CMTR1: variants seen among roughly 807,000 people sequenced by gnomAD.
CMTR1 encodes the protein cap methyltransferase 1.
Under a neutral mutation model 107.0 loss-of-function variants are expected in CMTR1, and 39 were observed. The observed-to-expected ratio is 0.36, with a 90% CI of 0.28 to 0.48. CMTR1 has a LOEUF of 0.48. CMTR1 is among the 20% of genes least tolerant of loss of function. The probability of loss-of-function intolerance (pLI) is 0.99; values close to 1 mark genes in which losing one functional copy is unlikely to be tolerated. For missense variants in CMTR1, 672 were observed against 1,064.9 expected (o/e 0.63, Z 5.14); for synonymous variants, 366 against 379.5 (o/e 0.96, Z 0.41).
rs1211604088 is a variant in CMTR1, at chr6:37,480,307, C to T, written c.*162C>T. The T allele has an allele frequency of 1.4e-6, 2 of 1,434,834 alleles. No individual in the cohort carries two copies. Among genetic ancestry groups the T allele is most frequent in the Non-Finnish European group, 1.8e-6 (2 of 1,109,182 alleles). The allele number at this position is 1,434,834 out of a possible 1,614,324, so 88.9% of individuals were successfully genotyped here. ...CCTCCTCTCCATCCCCTGAAGAGCT[C>T]AGGCAGGGCCCTGCAGAGAACACTC... is the stretch of plus-strand genomic sequence containing the variant. On this transcript the variant is annotated 3_prime_UTR_variant, in exon 24 of 24. Coordinates refer to ENST00000373451, the MANE Select transcript of CMTR1 (RefSeq NM_015050.3).
rs79756339 is a variant in CMTR1, at chr6:37,450,150, G to A, written c.445-101G>A. Reference sequence around the variant, plus strand: ...CAGCAACCTGCACCCTTCTCGGTCTGTCTCAGTCCCTTTTGATTGTTTTGG... The same window carrying A: ...CAGCAACCTGCACCCTTCTCGGTCTATCTCAGTCCCTTTTGATTGTTTTGG... On this transcript the variant is annotated intron_variant, in intron 4 of 23. Transcript: ENST00000373451. The A allele has an allele frequency of 3.0e-6, 3 of 997,518 alleles. No homozygotes were observed. The African/African-American group carries it at 4.8e-5, about 16-fold the overall frequency. 61.8% of individuals were successfully genotyped at this position (997,518 alleles called of 1,614,324 possible). A position where few individuals can be genotyped will look rare whatever the true frequency, so the allele number is the denominator to read the frequency against.
upstream of CMTR1, among the ~76,000 whole-genome samples, chr6:37,428,992 G>A (rs1051103160): frequency 6.6e-6 from 1 of 152,058 alleles, no homozygotes; most frequent in South Asian, 2.1e-4. Flanking sequence ...ATTTTTTAGC[G>A]CCAAATATTT....
chr6:37,478,592 C>A, intron 22 of CMTR1, 71 bp downstream of exon 22: 4 of 1,279,824 alleles, frequency 3.1e-6, no homozygotes, highest in Non-Finnish European at 4.5e-6. Context: ...TGGGTCCAGA[C>A]CCTACCTGAG....
chr6:37,470,442 G>A (rs1561791617), intron 13 of CMTR1, among the ~76,000 whole-genome samples: 2 of 152,036 alleles, frequency 1.3e-5, no homozygotes, highest in Non-Finnish European at 2.9e-5. Context: ...CACCGCGCCT[G>A]GCCGTCATTC....
intron 4 of CMTR1, among the ~76,000 whole-genome samples, chr6:37,448,930 A>T (rs1173406833): frequency 6.6e-6 from 1 of 152,148 alleles, no homozygotes; most frequent in Non-Finnish European, 1.5e-5. Context: ...CTCAGGCATC[A>T]GTACTATTTT....
In CMTR1 at chr6:37,474,508, TTCTC is replaced by T. The variant is rs747783898; in HGVS notation, c.1822-12_1822-9del. ...CTCCATGCCTTCCTTACCTGGCTGTTTCTCTCTGCCTGTAGAAATCCCAGATCTA... is the reference window on the plus strand; with the variant it reads ...CTCCATGCCTTCCTTACCTGGCTGTTTCTGCCTGTAGAAATCCCAGATCTA... On this transcript the variant is annotated splice_polypyrimidine_tract_variant and intron_variant, in intron 17 of 23. Coordinates refer to ENST00000373451, the MANE Select transcript of CMTR1 (RefSeq NM_015050.3). 1 of 1,613,630 alleles carries T rather than the reference TTCTC, an allele frequency of 6.2e-7. No homozygotes were observed.
chr6:37,458,498 G>C lies in CMTR1; in HGVS notation c.778-114G>C. ...CCTGGGTGCTGTAGCTCTGGTGGGAGCTCTGGATTGTACTTGCCGAAAGGC... is the reference window on the plus strand; with the variant it reads ...CCTGGGTGCTGTAGCTCTGGTGGGACCTCTGGATTGTACTTGCCGAAAGGC... On this transcript the variant is annotated intron_variant, in intron 8 of 23. Coordinates refer to ENST00000373451, the MANE Select transcript of CMTR1 (RefSeq NM_015050.3). The surrounding 1 kb of genome is among the most constrained non-coding windows in gnomAD (Gnocchi z 4.7). The C allele has an allele frequency of 7.3e-6, 7 of 953,008 alleles. No individual in the cohort carries two copies. Among genetic ancestry groups the C allele is most frequent in the South Asian group, 1.7e-5 (1 of 59,706 alleles). 59.0% of individuals were successfully genotyped at this position (953,008 alleles called of 1,614,324 possible).
chr6:37,429,327 A>G (rs1771334361), upstream of CMTR1, among the ~76,000 whole-genome samples: 1 of 152,242 alleles, frequency 6.6e-6, no homozygotes, highest in Non-Finnish European at 1.5e-5. Context: ...GGTTATGGTT[A>G]TAATGGCTAT....
intron 4 of CMTR1, among the ~76,000 whole-genome samples, chr6:37,449,804 GA>G (rs1348643028): frequency 6.6e-6 from 1 of 152,216 alleles, no homozygotes; most frequent in Non-Finnish European, 1.5e-5. Flanking sequence ...GGAATCAGGA[GA>G]TGAGACTCAT....
At chr6:37,453,428 ACTTTG>A in intron 8 of CMTR1, 116 bp downstream of exon 8, 1 of 1,018,394 alleles carries the variant, frequency 9.8e-7, no homozygotes, top group Non-Finnish European at 1.5e-6. Context: ...TGATGGAGAT[ACTTTG>A]CTTTGAGCTC....
chr6:37,438,166 GC>G (rs1771583212), intron 2 of CMTR1, among the ~76,000 whole-genome samples: 1 of 152,162 alleles, frequency 6.6e-6, no homozygotes, highest in Admixed American at 6.5e-5. Flanking sequence ...GATTGCTTGA[GC>G]CCAGGAGTTT....
chr6:37,480,316 C>T lies in CMTR1; in HGVS notation c.*171C>T, dbSNP rs41272222. ...CATCCCCTGAAGAGCTCAGGCAGGG[C>T]CCTGCAGAGAACACTCATGTTCCTT... On this transcript the variant is annotated 3_prime_UTR_variant, in exon 24 of 24. Transcript: ENST00000373451. The T allele has an allele frequency of 7.0e-3, 9,872 of 1,416,236 alleles. 46 individuals are homozygous for T. The highest frequency in any genetic ancestry group is 8.4e-3 in the Non-Finnish European group (9,187 of 1,098,986). 87.7% of individuals were successfully genotyped at this position (1,416,236 alleles called of 1,614,324 possible). A position where few individuals can be genotyped will look rare whatever the true frequency, so the allele number is the denominator to read the frequency against.
intron 23 of CMTR1, 42 bp downstream of exon 23, chr6:37,479,297 A>C: frequency 7.1e-7 from 1 of 1,408,298 alleles, no homozygotes; most frequent in Non-Finnish European, 1.0e-6. Flanking sequence ...TAGCAGCCTC[A>C]AGTACTCCTG....
chr6:37,447,341 C>T (rs1281912644), intron 4 of CMTR1, among the ~76,000 whole-genome samples: 1 of 152,158 alleles, frequency 6.6e-6, no homozygotes, highest in Non-Finnish European at 1.5e-5. Flanking sequence ...GAGTGAGGGG[C>T]TCATGGGTTC....
At chr6:37,434,432 T>C (rs542513704) in intron 1 of CMTR1, among the ~76,000 whole-genome samples, 13 of 152,268 alleles carry the variant, frequency 8.5e-5, no homozygotes, top group Admixed American at 7.8e-4. Flanking sequence ...TTTTCTGAGT[T>C]CTCTACAGCC....
chr6:37,456,051 C>T (rs1034147634), intron 8 of CMTR1, among the ~76,000 whole-genome samples: 6 of 152,214 alleles, frequency 3.9e-5, no homozygotes, highest in Admixed American at 1.3e-4. Flanking sequence ...AATCACAGAA[C>T]GAGGTCATAT....
chr6:37,436,695 A>C (rs569303952), intron 2 of CMTR1, among the ~76,000 whole-genome samples: 1 of 151,886 alleles, frequency 6.6e-6, no homozygotes, highest in Admixed American at 6.6e-5. Context: ...CTCTTCTTAT[A>C]AGGACATCGG....
At position 37,479,111 on chromosome 6, in the gene CMTR1, T is replaced by C. The variant is rs1581757532; in HGVS notation, c.2267-36T>C. 4.8e-6 allele frequency: 7 copies of C among 1,471,890 alleles called. No homozygotes were observed. The East Asian group carries it at 1.4e-4, about 29-fold the overall frequency. The allele number at this position is 1,471,890 out of a possible 1,614,324, so 91.2% of individuals were successfully genotyped here. ...GCCTGTCCTCCACAAGTGCTTTGTGTCCCTTCTGGGCTTCATCCCCTCTTC... is the reference window on the plus strand; with the variant it reads ...GCCTGTCCTCCACAAGTGCTTTGTGCCCCTTCTGGGCTTCATCCCCTCTTC... On this transcript the variant is annotated intron_variant, in intron 22 of 23. Coordinates refer to ENST00000373451, the MANE Select transcript of CMTR1 (RefSeq NM_015050.3).
intron 1 of CMTR1, among the ~76,000 whole-genome samples, chr6:37,434,905 C>T (rs1302658281): frequency 6.6e-6 from 1 of 152,186 alleles, no homozygotes; most frequent in Non-Finnish European, 1.5e-5. Flanking sequence ...AGCCACCGCG[C>T]CCAGCTGGTT....
Sources: gnomAD v4.1 joint callset for allele counts (sites outside exome capture counted in the v4.1 genomes callset) on GRCh38, gnomAD v4.1.1 for gene constraint, Gnocchi (gnomAD v3.1) non-coding constraint, MANE v1.5 for transcripts, NCBI Gene and HGNC (gene_info 2026-07-23, HGNC 2026-07-21) for gene names.